The following SAMD4A variants were observed in gnomAD, a reference collection of about 807,000 sequenced individuals.
SAMD4A encodes the protein sterile alpha motif domain containing 4A, also known as protein Smaug homolog 1.
SAMD4A carries 33 observed loss-of-function variants against 81.3 expected under a neutral mutation model. The observed-to-expected ratio is 0.41, with a 90% confidence interval of 0.31 to 0.54. The LOEUF (loss-of-function observed/expected upper bound fraction) is 0.54. Ranked by LOEUF, SAMD4A falls within the 20% of genes least tolerant of loss-of-function variation. SAMD4A has a pLI of 0.37. For missense variants in SAMD4A, 854 were observed against 951.1 expected, an observed-to-expected ratio of 0.90 and a Z score of 1.34; for synonymous variants, 389 against 382.1, an observed-to-expected ratio of 1.02 and a Z score of -0.21.
intron 8 of SAMD4A, among the ~76,000 whole-genome samples, chr14:54,766,860 C>T (rs1243703103): frequency 1.3e-5 from 2 of 152,148 alleles, no homozygotes; most frequent in African/African-American, 2.4e-5. Flanking sequence ...AATTGTCCCT[C>T]GGCAGCCCCG....
chr14:54,784,136 G>A, intron 11 of SAMD4A: 1 of 557,064 alleles, frequency 1.8e-6, no homozygotes. Context: ...AAGGCCGTGA[G>A]GTAGGAGGGG....
At chr14:54,628,434 TATAACTCTGCATCAG>T (rs2140328963) in intron 2 of SAMD4A, among the ~76,000 whole-genome samples, 1 of 152,112 alleles carries the variant, frequency 6.6e-6, no homozygotes, top group African/African-American at 2.4e-5. Flanking sequence ...ACTGCAGCAG[TATAACTCTGCATCAG>T]ATGAAATTGC....
At chr14:54,616,396 T>C (rs1436652731) in intron 2 of SAMD4A, among the ~76,000 whole-genome samples, 1 of 152,242 alleles carries the variant, frequency 6.6e-6, no homozygotes, top group Non-Finnish European at 1.5e-5. Flanking sequence ...ACTAATACAC[T>C]ACTCTTATTT....
intron 2 of SAMD4A, among the ~76,000 whole-genome samples, chr14:54,597,584 CTTTTTTTTT>C (rs71127662): frequency 1.1e-5 from 1 of 90,860 alleles, no homozygotes; most frequent in Non-Finnish European, 2.2e-5. Flanking sequence ...TTCCTTCTAT[CTTTTTTTTT>C]TTTTTTTTTT....
intron 4 of SAMD4A, among the ~76,000 whole-genome samples, chr14:54,748,413 G>T (rs117821415): frequency 6.6e-6 from 1 of 152,164 alleles, no homozygotes; most frequent in East Asian, 1.9e-4. Context: ...TCGATGAAGC[G>T]GTCCAGCTAA....
intron 12 of SAMD4A, 51 bp downstream of exon 12, chr14:54,784,671 G>C (rs369191015): frequency 6.6e-7 from 1 of 1,522,806 alleles, no homozygotes; most frequent in African/African-American, 1.4e-5. Flanking sequence ...CGTGTGCCTG[G>C]GAGAACTGGC....
At chr14:54,762,082 T>C (rs1258601093) in intron 7 of SAMD4A, among the ~76,000 whole-genome samples, 1 of 152,224 alleles carries the variant, frequency 6.6e-6, no homozygotes, top group Non-Finnish European at 1.5e-5. Flanking sequence ...GCATACATGC[T>C]GGGTGCACGC....
intron 2 of SAMD4A, among the ~76,000 whole-genome samples, chr14:54,619,486 G>T (rs992803096): frequency 1.3e-5 from 2 of 152,182 alleles, no homozygotes; most frequent in Non-Finnish European, 2.9e-5. Flanking sequence ...GGCATGTTAA[G>T]AAATTGGGGA....
intron 2 of SAMD4A, among the ~76,000 whole-genome samples, chr14:54,615,887 T>A (rs1555336642): frequency 1.3e-5 from 2 of 150,476 alleles, no homozygotes; most frequent in Non-Finnish European, 3.0e-5. Context: ...GACCCTCCCC[T>A]CCCCCCCGAT....
rs74055507 is a variant in SAMD4A at position 54,622,333 on chromosome 14, G to A, written c.196+54221G>A. 6.8e-4 allele frequency among the ~76,000 whole-genome samples: 104 copies of A among 152,290 alleles called. 1 individual carries two copies. Among genetic ancestry groups the A allele is most frequent in the African/African-American group, 2.1e-3 (89 of 41,566 alleles). On this transcript the variant is annotated intron_variant, in intron 2 of 12. Coordinates refer to ENST00000554335, the MANE Select transcript of SAMD4A (RefSeq NM_015589.6). ...AACTCTTCTCAGATAACCAGGCAAC[G>A]AATGGAGGGACTGTTCAGGGCCTAT...
At chr14:54,671,170 C>T (rs2035873570) in intron 2 of SAMD4A, among the ~76,000 whole-genome samples, 1 of 152,178 alleles carries the variant, frequency 6.6e-6, no homozygotes, top group Non-Finnish European at 1.5e-5. Context: ...CACTGAAGGG[C>T]TCTGGAACTT....
At chr14:54,630,973 C>T (rs2034889229) in intron 2 of SAMD4A, among the ~76,000 whole-genome samples, 1 of 145,402 alleles carries the variant, frequency 6.9e-6, no homozygotes, top group African/African-American at 2.6e-5. Context: ...AATCGGCTCA[C>T]ATGTGTATGA....
intron 2 of SAMD4A, among the ~76,000 whole-genome samples, chr14:54,661,706 G>A (rs1038071926): frequency 7.9e-5 from 12 of 152,280 alleles, no homozygotes; most frequent in Middle Eastern, 3.4e-3. Context: ...GATATCTGAT[G>A]TTTGTTGCAA....
chr14:54,763,097 T>C (rs1206645867), intron 7 of SAMD4A, among the ~76,000 whole-genome samples: 1 of 151,868 alleles, frequency 6.6e-6, no homozygotes. Context: ...CCTCGTGATC[T>C]GCCCGCCTCA....
intron 2 of SAMD4A, among the ~76,000 whole-genome samples, chr14:54,581,562 C>G (rs2033469348): frequency 1.3e-5 from 2 of 152,226 alleles, no homozygotes; most frequent in South Asian, 4.1e-4. Context: ...AATGTACTCT[C>G]TTCAAGTATG....
intron 6 of SAMD4A, among the ~76,000 whole-genome samples, chr14:54,752,223 C>G (rs2038122724): frequency 6.6e-6 from 1 of 152,224 alleles, no homozygotes; most frequent in Non-Finnish European, 1.5e-5. Flanking sequence ...CCTCTTCTTA[C>G]CTTTGTGTCT....
chr14:54,776,400 G>A lies in SAMD4A; in HGVS notation c.1918-14G>A. ...GGCTGAACTAACAAGTTCCCCTTTT[G>A]CTTTTCTCACCAGAACCTGTGGTTT... On this transcript the variant is annotated splice_polypyrimidine_tract_variant and intron_variant, in intron 10 of 12. Coordinates refer to ENST00000554335, the MANE Select transcript of SAMD4A (RefSeq NM_015589.6). 6.3e-7 allele frequency: 1 copy of A among 1,584,866 alleles called. No individual in the cohort carries two copies. The highest frequency in any genetic ancestry group is 1.2e-5 in the South Asian group (1 of 86,192).
chr14:54,782,383 A>G (rs2039019880), intron 11 of SAMD4A, among the ~76,000 whole-genome samples: 1 of 149,658 alleles, frequency 6.7e-6, no homozygotes, highest in Admixed American at 6.6e-5. Context: ...TTGTGTTTCT[A>G]TTTTATAGAT....
chr14:54,780,691 G>A (rs1284193738), intron 11 of SAMD4A, among the ~76,000 whole-genome samples: 1 of 152,258 alleles, frequency 6.6e-6, no homozygotes, highest in African/African-American at 2.4e-5. Context: ...ATCAACTTGG[G>A]GCAAGATGGT....
Sources: allele counts gnomAD v4.1 joint callset (sites outside exome capture counted in the v4.1 genomes callset), GRCh38; gene constraint gnomAD v4.1.1; transcripts MANE v1.5; gene names NCBI Gene and HGNC (gene_info 2026-07-23, HGNC 2026-07-21).